The following IPO5 variants were observed in gnomAD, a reference collection of about 807,000 sequenced individuals.
IPO5 encodes importin 5.
In IPO5, 18 loss-of-function variants were observed where a neutral mutation model predicts 143.3. The observed-to-expected ratio is 0.13, with a 90% CI of 0.09 to 0.19. The LOEUF is 0.19. Among genes scored for constraint, IPO5 ranks in the 10% least tolerant of loss-of-function variants. IPO5 has a pLI of 1.00. For missense variants in IPO5, 1,013 were observed against 1,336.9 expected (o/e 0.76, Z 3.78); for synonymous variants, 477 against 465.7 (o/e 1.02, Z -0.31).
chr13:97,998,014 C>T (rs1210835536), intron 12 of IPO5, among the ~76,000 whole-genome samples: 4 of 152,136 alleles, frequency 2.6e-5, no homozygotes, highest in Non-Finnish European at 5.9e-5. Flanking sequence ...CTCGCTGTGT[C>T]GCCCAGGCTG....
chr13:98,015,797 T>C lies in IPO5; in HGVS notation c.2493+16T>C. On this transcript the variant is annotated intron_variant, in intron 24 of 28. Transcript: ENST00000651721. ...ACAAGATGAGGTAAGTTATTCCCTT[T>C]GGAACTTACTTACGTGACCACTTGC... 6 of 1,563,102 alleles carry C rather than the reference T, an allele frequency of 3.8e-6. No individual in the cohort carries two copies. The highest frequency in any genetic ancestry group is 5.2e-6 in the Non-Finnish European group (6 of 1,147,904).
Position 98,021,091 on chromosome 13 carries a change from T to A in IPO5, c.3165T>A (p.Asp1055Glu), listed in dbSNP as rs746970234. 2 of 1,610,396 alleles carry A rather than the reference T, an allele frequency of 1.2e-6. No individual in the cohort carries two copies. Among genetic ancestry groups the A allele is most frequent in the Non-Finnish European group, 1.7e-6 (2 of 1,178,816 alleles). The change falls in exon 28 of 29, where the codon GAT (aspartate) becomes GAA (glutamate). Residue 1055 changes from aspartate to glutamate, a missense_variant. Transcript: ENST00000651721. ...TGCACGAGGCAATTAAACATGAAGA[T>A]CCTTGTGCCAAACGTCTGGCCAATG... ...GEMHEAIKHEDPCAKRLANVV... is the reference protein window; with the variant it reads ...GEMHEAIKHEEPCAKRLANVV...
rs186986828 is a variant in IPO5 at position 97,996,835 on chromosome 13, G to A, written c.914-696G>A. Among the ~76,000 whole-genome samples the A allele has an allele frequency of 4.9e-4, 74 of 151,958 alleles. 1 individual carries two copies. In the East Asian group the frequency reaches 0.013, roughly 27 times the overall value. On this transcript the variant is annotated intron_variant, in intron 11 of 28. Transcript: ENST00000651721. The stretch of plus-strand genomic sequence containing the variant: ...TCTCGATCTTCTGACCTCGTGATCC[G>A]CCTGCCTCAGCCTCCCAAAGTGCTG...
At chr13:97,971,052 G>A (rs1411995621) in intron 3 of IPO5, among the ~76,000 whole-genome samples, 1 of 152,174 alleles carries the variant, frequency 6.6e-6, no homozygotes, top group Admixed American at 6.5e-5. Context: ...AGGTTACCTT[G>A]GGCAAGATCA....
In IPO5 at chr13:98,010,130, A is replaced by G; in HGVS notation, c.1961A>G (p.Asp654Gly). Residue 654 changes from aspartate (D) to glycine (G), a missense_variant, in exon 20 of 29, where the codon GAT (aspartate) becomes GGT (glycine). Physicochemically the swap from Asp to Gly is moderately conservative, Grantham distance 94. This residue lies in a region of IPO5 where 685 missense variants were observed against 994.9 expected (regional missense o/e 0.69). Transcript: ENST00000651721. ...DTQDMENMSD[D>G]DGWEFVNLGD... The stretch of plus-strand genomic sequence containing the variant: ...CAAGACATGGAGAATATGAGTGATG[A>G]TGATGGTTGGGAATTTGTGAACCTT... 2 of 1,614,120 alleles carry G rather than the reference A, an allele frequency of 1.2e-6. No homozygotes were observed. The highest frequency in any genetic ancestry group is 1.7e-6 in the Non-Finnish European group (2 of 1,179,980).
chr13:98,015,524 C>T lies in IPO5; in HGVS notation c.2326-6C>T, dbSNP rs201114273. The stretch of plus-strand genomic sequence containing the variant: ...ATGGATTGCTTTCTTTCCTCAACCT[C>T]ATTAGTGCATTGAAGTAATGGGAGA... On this transcript the variant is annotated splice_polypyrimidine_tract_variant and splice_region_variant and intron_variant, in intron 22 of 28. Coordinates refer to ENST00000651721, the MANE Select transcript of IPO5 (RefSeq NM_002271.6). 8 of 1,544,556 alleles carry T rather than the reference C, an allele frequency of 5.2e-6. No individual in the cohort carries two copies. Among genetic ancestry groups the T allele is most frequent in the South Asian group, 2.3e-5 (2 of 88,288 alleles).
chr13:98,007,226 G>C (rs1052811567), intron 17 of IPO5: 3 of 152,216 alleles, frequency 2.0e-5, no homozygotes, highest in Non-Finnish European at 2.9e-5. Flanking sequence ...ACCACACACA[G>C]TGCATCTCGT....
chr13:98,018,100 C>T (rs1216488823), intron 25 of IPO5, among the ~76,000 whole-genome samples: 1 of 152,174 alleles, frequency 6.6e-6, no homozygotes, highest in Non-Finnish European at 1.5e-5. Context: ...GATTCGGGCA[C>T]ACATGACTTA....
intron 16 of IPO5, among the ~76,000 whole-genome samples, chr13:98,003,970 T>TA (rs1889004277): frequency 6.6e-6 from 1 of 152,188 alleles, no homozygotes; most frequent in Non-Finnish European, 1.5e-5. Flanking sequence ...TGATTATAGT[T>TA]ACAGCTGAAA....
chr13:97,962,816 CA>C (rs1307615831), intron 2 of IPO5, among the ~76,000 whole-genome samples: 2,130 of 103,724 alleles, frequency 0.021, 29 homozygotes, highest in African/African-American at 0.054. Flanking sequence ...GAAACTGTCT[CA>C]AAAAAAAAAA....
At position 97,993,100 on chromosome 13, in the gene IPO5, T is replaced by C; in HGVS notation, c.793-5T>C. 1 of 1,613,998 alleles carries C rather than the reference T, an allele frequency of 6.2e-7. No individual in the cohort carries two copies. The highest frequency in any genetic ancestry group is 8.5e-7 in the Non-Finnish European group (1 of 1,179,922). The stretch of plus-strand genomic sequence containing the variant: ...TAAATGTATACAAATATGTCTTCTT[T>C]GTAGTTGTGTGGAGACACTAGCCTC... On this transcript the variant is annotated splice_polypyrimidine_tract_variant and splice_region_variant and intron_variant, in intron 10 of 28. Coordinates refer to ENST00000651721, the MANE Select transcript of IPO5 (RefSeq NM_002271.6).
intron 7 of IPO5, among the ~76,000 whole-genome samples, chr13:97,989,513 G>C (rs1887649045): frequency 2.0e-5 from 3 of 152,170 alleles, no homozygotes; most frequent in Admixed American, 1.3e-4. Flanking sequence ...TTGAAGAGGA[G>C]AAGGAGAATG....
intron 3 of IPO5, among the ~76,000 whole-genome samples, chr13:97,973,229 G>A (rs1885982813): frequency 6.6e-6 from 1 of 151,612 alleles, no homozygotes; most frequent in African/African-American, 2.4e-5. Flanking sequence ...TGTATTTCTA[G>A]TAGAGACGGG....
In IPO5 at chr13:98,002,758, G is replaced by T. The variant is rs745495001; in HGVS notation, c.1308G>T (p.Lys436Asn). The change falls in exon 15 of 29, where the codon AAG (lysine) becomes AAT (asparagine). Residue 436 changes from lysine to asparagine, a missense_variant. Lys to Asn is a moderately conservative substitution (Grantham distance 94). Coordinates refer to ENST00000651721, the MANE Select transcript of IPO5 (RefSeq NM_002271.6). ...MATDFAPGFQKKFHEKVIAAL... is the reference protein window; with the variant it reads ...MATDFAPGFQNKFHEKVIAAL... ...CAGATTTTGCACCTGGTTTCCAAAA[G>T]AAATTTCATGAGAAGGTAAGTAACA... The T allele has an allele frequency of 1.2e-6, 2 of 1,611,434 alleles. No individual in the cohort carries two copies. Among genetic ancestry groups the T allele is most frequent in the South Asian group, 1.1e-5 (1 of 90,750 alleles).
intron 3 of IPO5, among the ~76,000 whole-genome samples, chr13:97,971,201 G>A (rs561709304): frequency 1.3e-4 from 20 of 152,102 alleles, no homozygotes; most frequent in African/African-American, 3.9e-4. Flanking sequence ...AAGAAAGGGC[G>A]CAAAAGAAAA....
intron 4 of IPO5, chr13:97,977,008 C>T (rs1352230489): frequency 1.5e-5 from 3 of 206,892 alleles, no homozygotes; most frequent in Non-Finnish European, 3.1e-5. Context: ...GTTACCTCCC[C>T]GCCGCCGCTC....
intron 11 of IPO5, 121 bp from the exon 12 acceptor site, chr13:97,997,410 A>G (rs1445450162): frequency 6.3e-6 from 3 of 476,370 alleles, no homozygotes; most frequent in Non-Finnish European, 1.1e-5. Flanking sequence ...GGCACAGACA[A>G]ATAATTGTTT....
In IPO5 at chr13:97,985,444, C is replaced by G; in HGVS notation, c.195C>G (p.Leu65=). 1 of 1,614,118 alleles carries G rather than the reference C, an allele frequency of 6.2e-7. No homozygotes were observed. Among genetic ancestry groups the G allele is most frequent in the East Asian group, 2.2e-5 (1 of 44,870 alleles). The change falls in exon 6 of 29, where the codon CTC becomes CTG. Residue 65 remains leucine, a synonymous_variant. Coordinates refer to ENST00000651721, the MANE Select transcript of IPO5 (RefSeq NM_002271.6). ...AGGCTAGACAAATGGCCGCCGTTCT[C>G]CTAAGACGTCTCTTGTCCTCTGCAT... The part of the protein sequence containing the change: ...AEEARQMAAV[L]LRRLLSSAFD...
At position 97,961,674 on chromosome 13, in the gene IPO5, T is replaced by A. The variant is rs77622998; in HGVS notation, c.-113+7476T>A. 8.8e-3 allele frequency among the ~76,000 whole-genome samples: 1,347 copies of A among 152,358 alleles called. 86 individuals carry two copies. In the East Asian group the frequency reaches 0.18, roughly 20 times the overall value. On this transcript the variant is annotated intron_variant, in intron 2 of 28. Transcript: ENST00000651721. ...GTTTTGATTTGCATTTCTCTAATGA[T>A]GAATGATGTTGCACATCTTTTCATG...
Sources: gnomAD v4.1 joint callset for allele counts (sites outside exome capture counted in the v4.1 genomes callset) on GRCh38, gnomAD v4.1.1 for gene constraint, gnomAD v4.1.1 regional missense constraint, MANE v1.5 for transcripts, NCBI Gene and HGNC (gene_info 2026-07-23, HGNC 2026-07-21) for gene names.